Variants in LMNTD1 observed in about 807,000 individuals in gnomAD.
The protein encoded by LMNTD1 is lamin tail domain containing 1.
In LMNTD1, 35 loss-of-function variants were observed where a neutral mutation model predicts 50.9. That is an observed-to-expected ratio of 0.69 (90% CI 0.53 to 0.91). LMNTD1 has a LOEUF of 0.91. Ranked by LOEUF, LMNTD1 falls within the 40% of genes least tolerant of loss-of-function variation. The pLI is 0.00. For synonymous variants in LMNTD1, 153 were observed against 161.9 expected (o/e 0.94, Z 0.42); for missense variants, 470 against 475.5 (o/e 0.99, Z 0.11).
intron 1 of LMNTD1, among the ~76,000 whole-genome samples, chr12:25,590,381 A>G (rs829058): frequency 0.95 from 145,129 of 152,306 alleles, 69,547 homozygotes; most frequent in East Asian, 1. Flanking sequence ...GGAATTTCCC[A>G]TCTCAGCAGT....
intron 1 of LMNTD1, among the ~76,000 whole-genome samples, chr12:25,611,309 C>T (rs767295129): frequency 6.6e-6 from 1 of 152,126 alleles, no homozygotes; most frequent in Non-Finnish European, 1.5e-5. Flanking sequence ...TTTTTAAAAA[C>T]ATTACTAATC....
chr12:25,629,906 A>G (rs1375408790), intron 1 of LMNTD1, among the ~76,000 whole-genome samples: 1 of 152,208 alleles, frequency 6.6e-6, no homozygotes, highest in Non-Finnish European at 1.5e-5. Flanking sequence ...CTTTAATTAG[A>G]TCAGACTGTG....
intron 1 of LMNTD1, among the ~76,000 whole-genome samples, chr12:25,635,731 A>G (rs921983812): frequency 6.6e-6 from 1 of 152,228 alleles, no homozygotes; most frequent in Non-Finnish European, 1.5e-5. Context: ...CCTGATTTCA[A>G]ACTATACTAT....
rs557001861 is a variant in LMNTD1, at chr12:25,566,035, T to A, written c.59-19481A>T. 3.9e-5 allele frequency among the ~76,000 whole-genome samples: 6 copies of A among 152,266 alleles called. No individual in the cohort carries two copies. In the South Asian group the frequency reaches 1.2e-3, roughly 32 times the overall value. On this transcript the variant is annotated intron_variant, in intron 1 of 7. Transcript: ENST00000445693. Reference sequence around the variant, plus strand: ...TTTAGAATTCTTTCTTTGTCCTTGATCTTTGGGAGTTTGATTATTAAATAC... The same window carrying A: ...TTTAGAATTCTTTCTTTGTCCTTGAACTTTGGGAGTTTGATTATTAAATAC...
intron 1 of LMNTD1, among the ~76,000 whole-genome samples, chr12:25,633,424 G>T (rs922801799): frequency 6.6e-6 from 1 of 152,070 alleles, no homozygotes; most frequent in East Asian, 1.9e-4. Context: ...CATATGATAG[G>T]CCATAAAAGG....
Position 25,622,463 on chromosome 12 carries a change from G to GCCCCCCCCC in LMNTD1, c.58+26030_58+26031insGGGGGGGGG, listed in dbSNP as rs199777995. ...GTTGCCCTTGACCTTGAGTTTGTGA[G>GCCCCCCCCC]CCCGCCCCCCCCCGCAAAATAATAT... On this transcript the variant is annotated intron_variant, in intron 1 of 7. Coordinates refer to the LMNTD1 transcript ENST00000445693. Among the ~76,000 whole-genome samples, 9 of 111,154 alleles carry GCCCCCCCCC rather than the reference G, an allele frequency of 8.1e-5. 1 individual carries two copies. Among genetic ancestry groups the GCCCCCCCCC allele is most frequent in the Non-Finnish European group, 1.2e-4 (6 of 49,472 alleles). The allele number at this position is 111,154 out of a possible 152,430, so 72.9% of individuals were successfully genotyped here.
At chr12:25,551,647 C>T (rs1443739411) in intron 2 of LMNTD1, among the ~76,000 whole-genome samples, 1 of 152,158 alleles carries the variant, frequency 6.6e-6, no homozygotes, top group African/African-American at 2.4e-5. Flanking sequence ...TTGCCTTGGC[C>T]TCCCAAATTG....
chr12:25,481,515 C>T (rs1938443898), intron 9 of LMNTD1, among the ~76,000 whole-genome samples: 1 of 151,924 alleles, frequency 6.6e-6, no homozygotes, highest in South Asian at 2.1e-4. Flanking sequence ...AAATTTGATA[C>T]ACGTGTCTGA....
intron 7 of LMNTD1, among the ~76,000 whole-genome samples, chr12:25,519,430 C>CA (rs1226082792): frequency 6.6e-5 from 10 of 150,510 alleles, no homozygotes; most frequent in Admixed American, 1.3e-4. Flanking sequence ...ACTAAAAATA[C>CA]AAAAAAAATT....
At chr12:25,513,129 C>T (rs145475892) in intron 8 of LMNTD1, among the ~76,000 whole-genome samples, 205 of 152,314 alleles carry the variant, frequency 1.3e-3, no homozygotes, top group African/African-American at 4.8e-3. Context: ...CTAATTCCCA[C>T]AGGAACAAAT....
intron 9 of LMNTD1, among the ~76,000 whole-genome samples, chr12:25,498,716 T>C (rs1939209348): frequency 6.6e-6 from 1 of 152,236 alleles, no homozygotes; most frequent in Non-Finnish European, 1.5e-5. Flanking sequence ...CCACTAACTC[T>C]AGCTTTTTCT....
At chr12:25,551,707 A>G (rs1943755246) in intron 2 of LMNTD1, among the ~76,000 whole-genome samples, 1 of 152,172 alleles carries the variant, frequency 6.6e-6, no homozygotes, top group South Asian at 2.1e-4. Flanking sequence ...AGAAATTTCT[A>G]ATGGCTGCAC....
chr12:25,599,652 C>T (rs1219521616), intron 1 of LMNTD1, among the ~76,000 whole-genome samples: 1 of 151,830 alleles, frequency 6.6e-6, no homozygotes, highest in Non-Finnish European at 1.5e-5. Context: ...TTTCATATGC[C>T]AACAGTGAAC....
chr12:25,640,946 C>T (rs527758858), intron 1 of LMNTD1, among the ~76,000 whole-genome samples: 14 of 152,256 alleles, frequency 9.2e-5, no homozygotes, highest in Admixed American at 7.2e-4. Flanking sequence ...GGATTACAGG[C>T]GTAAGCCACC....
chr12:25,550,170 A>G (rs1015448826), intron 2 of LMNTD1, among the ~76,000 whole-genome samples: 2 of 151,224 alleles, frequency 1.3e-5, no homozygotes, highest in African/African-American at 4.9e-5. Context: ...ATTTTCGTGT[A>G]CTATTTTTAT....
At chr12:25,537,160 A>G (rs1000994066) in intron 4 of LMNTD1, among the ~76,000 whole-genome samples, 6 of 152,320 alleles carry the variant, frequency 3.9e-5, no homozygotes, top group African/African-American at 9.6e-5. Context: ...AGGGGCGCCC[A>G]CCATTGCCCA....
At chr12:25,583,609 A>G (rs535999897) in intron 1 of LMNTD1, among the ~76,000 whole-genome samples, 30 of 152,270 alleles carry the variant, frequency 2.0e-4, no homozygotes, top group African/African-American at 7.2e-4. Context: ...TTCAATTCTA[A>G]TATTTTGTCC....
chr12:25,483,709 T>C (rs1401861602), intron 9 of LMNTD1, among the ~76,000 whole-genome samples: 1 of 151,308 alleles, frequency 6.6e-6, no homozygotes, highest in Non-Finnish European at 1.5e-5. Context: ...GAGGCGGAAG[T>C]TGCAGTGAGC....
At chr12:25,489,212 C>T (rs1286504475) in intron 9 of LMNTD1, among the ~76,000 whole-genome samples, 3 of 151,580 alleles carry the variant, frequency 2.0e-5, no homozygotes, top group East Asian at 1.9e-4. Flanking sequence ...CAATGGCGGG[C>T]GCCCCTCCCC....
Sources: gnomAD v4.1 joint callset for allele counts (sites outside exome capture counted in the v4.1 genomes callset) on GRCh38, gnomAD v4.1.1 for gene constraint, MANE v1.5 for transcripts, NCBI Gene and HGNC (gene_info 2026-07-23, HGNC 2026-07-21) for gene names.